Variants in CSMD1 observed in about 807,000 individuals in gnomAD.
The protein encoded by CSMD1 is CUB and Sushi multiple domains 1, also known as CUB and sushi domain-containing protein 1.
A neutral mutation model predicts 417.5 loss-of-function variants in CSMD1; 213 were observed. The observed-to-expected ratio is 0.51, with a 90% CI of 0.46 to 0.57. CSMD1 has a LOEUF of 0.57. Ranked by LOEUF, CSMD1 falls within the 20% of genes least tolerant of loss-of-function variation. The pLI is 0.00. For synonymous variants in CSMD1, 2,862 were observed against 1,736.8 expected (o/e 1.65, Z -16.11); for missense variants, 6,923 against 4,529.7 (o/e 1.53, Z -15.17).
chr8:3,368,457 C>T (rs1332136286), intron 19 of CSMD1, among the ~76,000 whole-genome samples: 1 of 152,120 alleles, frequency 6.6e-6, no homozygotes, highest in African/African-American at 2.4e-5. Context: ...CTGACTCTGC[C>T]CCCAGAGTAG....
At chr8:3,485,408 G>A (rs1164016924) in intron 11 of CSMD1, among the ~76,000 whole-genome samples, 1 of 151,970 alleles carries the variant, frequency 6.6e-6, no homozygotes, top group African/African-American at 2.4e-5. Flanking sequence ...ACAGGGAGTT[G>A]GCTATGATTA....
intron 3 of CSMD1, among the ~76,000 whole-genome samples, chr8:4,308,759 G>A (rs192262180): frequency 3.3e-5 from 5 of 152,254 alleles, no homozygotes; most frequent in South Asian, 4.1e-4. Flanking sequence ...CTGTTTGAGC[G>A]TGATGACTAA....
At chr8:4,637,917 G>A (rs1802939070) in intron 1 of CSMD1, among the ~76,000 whole-genome samples, 1 of 151,964 alleles carries the variant, frequency 6.6e-6, no homozygotes, top group Non-Finnish European at 1.5e-5. Context: ...TGATCCACCC[G>A]CCCCGGCCTC....
intron 1 of CSMD1, among the ~76,000 whole-genome samples, chr8:4,743,508 C>T (rs551609381): frequency 1.1e-4 from 16 of 152,250 alleles, no homozygotes; most frequent in African/African-American, 3.1e-4. Flanking sequence ...CATGAACCTC[C>T]TGCTTTGAGT....
intron 54 of CSMD1, among the ~76,000 whole-genome samples, chr8:2,986,413 A>G (rs1004360916): frequency 6.6e-6 from 1 of 152,180 alleles, no homozygotes; most frequent in Non-Finnish European, 1.5e-5. Context: ...GTGCAAACAC[A>G]TATCAGATCA....
rs1803122719 is a variant in CSMD1, at chr8:2,957,771, A to G, written c.9739T>C (p.Tyr3247His). The G allele has an allele frequency of 1.3e-6, 2 of 1,595,770 alleles. No individual in the cohort carries two copies. The highest frequency in any genetic ancestry group is 1.3e-5 in the African/African-American group (1 of 74,756). ...CGAGTCGTGGAACCTTGAATATGGT[A>G]GCCTTTTCTGCACCTGAAAAAAACC... ...STVFFRCRKG[Y>H]HIQGSTTRTC... Residue 3247 changes from tyrosine (Y) to histidine (H), a missense_variant, in exon 63 of 70, where the codon TAC becomes CAC. Tyr to His is a moderately conservative substitution (Grantham distance 83). Transcript: ENST00000635120.
chr8:3,031,710 T>C (rs1156678784), intron 50 of CSMD1, among the ~76,000 whole-genome samples: 1 of 151,926 alleles, frequency 6.6e-6, no homozygotes, highest in Non-Finnish European at 1.5e-5. Flanking sequence ...AAATTCCAAT[T>C]TGGTTCACAC....
intron 3 of CSMD1, among the ~76,000 whole-genome samples, chr8:4,037,883 A>G (rs1797699828): frequency 6.6e-6 from 1 of 152,092 alleles, no homozygotes; most frequent in African/African-American, 2.4e-5. Flanking sequence ...ACGTACAATA[A>G]CTGAAATTCA....
chr8:3,483,343 A>G (rs1270858782), intron 11 of CSMD1, among the ~76,000 whole-genome samples: 2 of 152,116 alleles, frequency 1.3e-5, no homozygotes, highest in Non-Finnish European at 1.5e-5. Context: ...TAATAAGGAA[A>G]TATTATAAAT....
Position 4,031,922 on chromosome 8 carries a change from G to A in CSMD1, c.593C>T (p.Pro198Leu), listed in dbSNP as rs1245255386. 38 of 1,613,440 alleles carry A rather than the reference G, an allele frequency of 2.4e-5. No individual in the cohort carries two copies. The highest frequency in any genetic ancestry group is 3.1e-5 in the Non-Finnish European group (37 of 1,179,750). Reference sequence around the variant, plus strand: ...CACTGTACCTCTGCAAAAGGGAGCTGGGAAGTCCCACGATGCACCATTTCC... The same window carrying A: ...CACTGTACCTCTGCAAAAGGGAGCTAGGAAGTCCCACGATGCACCATTTCC... ...SPGNGASWDFPAPFCRAEGAC... is the reference protein window; with the variant it reads ...SPGNGASWDFLAPFCRAEGAC... Residue 198 changes from proline to leucine, a missense_variant, in exon 4 of 70, where the codon CCA becomes CTA. Pro to Leu is a moderately conservative substitution (Grantham distance 98). Coordinates refer to ENST00000635120, the MANE Select transcript of CSMD1 (RefSeq NM_033225.6).
chr8:4,528,039 G>C lies in CSMD1; in HGVS notation c.303-107974C>G, dbSNP rs181130993. On this transcript the variant is annotated intron_variant, in intron 2 of 69. Coordinates refer to ENST00000635120, the MANE Select transcript of CSMD1 (RefSeq NM_033225.6). ...ATCATGTCAGTGCTTTGGAAAACATGCATCAAAGCCTAGAGCCTTTCCCAC... is the reference window on the plus strand; with the variant it reads ...ATCATGTCAGTGCTTTGGAAAACATCCATCAAAGCCTAGAGCCTTTCCCAC... 2.0e-4 allele frequency among the ~76,000 whole-genome samples: 30 copies of C among 152,264 alleles called. No individual in the cohort carries two copies. In the East Asian group the frequency reaches 5.8e-3, roughly 29 times the overall value.
intron 10 of CSMD1, among the ~76,000 whole-genome samples, chr8:3,543,115 C>T (rs1324172110): frequency 6.6e-6 from 1 of 152,182 alleles, no homozygotes; most frequent in Non-Finnish European, 1.5e-5. Context: ...CAAATCTGTG[C>T]ATCCTGAAGG....
At chr8:4,641,062 A>ATT (rs1448844107) in intron 1 of CSMD1, among the ~76,000 whole-genome samples, 10 of 151,476 alleles carry the variant, frequency 6.6e-5, no homozygotes, top group Non-Finnish European at 8.8e-5. Flanking sequence ...ATATATATAT[A>ATT]TGAACACACT....
At chr8:3,458,338 CATT>C (rs1444939900) in intron 12 of CSMD1, among the ~76,000 whole-genome samples, 2 of 152,098 alleles carry the variant, frequency 1.3e-5, no homozygotes, top group African/African-American at 4.8e-5. Flanking sequence ...GCTTATCTCA[CATT>C]ATTAAGAGGA....
intron 1 of CSMD1, among the ~76,000 whole-genome samples, chr8:4,963,831 G>C (rs573865397): frequency 1.3e-5 from 2 of 152,002 alleles, no homozygotes; most frequent in African/African-American, 2.4e-5. Context: ...CTAACCATGG[G>C]AGTAGTCACC....
At chr8:4,636,774 T>G (rs1375301073) in intron 2 of CSMD1, among the ~76,000 whole-genome samples, 3 of 152,216 alleles carry the variant, frequency 2.0e-5, no homozygotes, top group Non-Finnish European at 4.4e-5. Context: ...GTTTTCTGTA[T>G]AGTAACTGTA....
chr8:3,275,989 G>A (rs4875469), intron 26 of CSMD1, among the ~76,000 whole-genome samples: 1 of 152,026 alleles, frequency 6.6e-6, no homozygotes, highest in African/African-American at 2.4e-5. Flanking sequence ...TGTTCCTTTG[G>A]AGGAGGAGAG....
intron 2 of CSMD1, among the ~76,000 whole-genome samples, chr8:4,510,099 G>T (rs565458104): frequency 6.6e-6 from 1 of 151,978 alleles, no homozygotes; most frequent in African/African-American, 2.4e-5. Context: ...TAAGTCTAAA[G>T]AGATCTGATG....
chr8:3,367,790 TGGC>T (rs1405940017), intron 19 of CSMD1, among the ~76,000 whole-genome samples: 1 of 152,202 alleles, frequency 6.6e-6, no homozygotes, highest in Non-Finnish European at 1.5e-5. Context: ...ATGTACATAT[TGGC>T]ATAGATATGT....
Sources: gnomAD v4.1 joint callset for allele counts (sites outside exome capture counted in the v4.1 genomes callset) on GRCh38, gnomAD v4.1.1 for gene constraint, MANE v1.5 for transcripts, NCBI Gene and HGNC (gene_info 2026-07-23, HGNC 2026-07-21) for gene names.